The following NECTIN1 variants were observed in gnomAD, a reference collection of about 807,000 sequenced individuals.
NECTIN1 encodes the protein nectin-1.
In NECTIN1, 23 loss-of-function variants were observed where a neutral mutation model predicts 48.0. That is an observed-to-expected ratio of 0.48 (90% CI 0.34 to 0.68). The LOEUF is 0.68. Among genes scored for constraint, NECTIN1 ranks in the 30% least tolerant of loss-of-function variants. The pLI is 0.01. For missense variants in NECTIN1, 591 were observed against 709.9 expected, an observed-to-expected ratio of 0.83 and a Z score of 1.90; for synonymous variants, 270 against 288.9, an observed-to-expected ratio of 0.93 and a Z score of 0.66.
Position 119,661,863 on chromosome 11 carries a change from C to T in NECTIN1, c.*2884G>A, listed in dbSNP as rs115594822. The T allele has an allele frequency of 3.6e-3, 3,552 of 985,196 alleles. 93 individuals carry two copies. In the African/African-American group the frequency reaches 0.057, roughly 16 times the overall value. 61.0% of individuals were successfully genotyped at this position (985,196 alleles called of 1,614,324 possible). ...GTGTACATGCGTGTACACATGCCTG[C>T]GCGTGGGTGTGTTGGAGGTGTGAGT... On this transcript the variant is annotated 3_prime_UTR_variant, in exon 6 of 6. Transcript: ENST00000264025.
rs1865920955 is a variant in NECTIN1 at position 119,727,083 on chromosome 11, CA to C, written c.79+1391del. 6.6e-6 allele frequency among the ~76,000 whole-genome samples: 1 copy of C among 152,176 alleles called. No homozygotes were observed. Among genetic ancestry groups the C allele is most frequent in the South Asian group, 2.1e-4 (1 of 4,828 alleles). On this transcript the variant is annotated intron_variant, in intron 1 of 5. Transcript: ENST00000264025. The surrounding 1 kb of genome is among the most constrained non-coding windows in gnomAD (Gnocchi z 4.1). ...GGAGGCACCCCAGTACTGGCTTTCA[CA>C]AACTGCTTCCCAGACATCCACCACT...
Position 119,675,206 on chromosome 11 carries a change from G to C in NECTIN1, c.956C>G (p.Thr319Ser). The C allele has an allele frequency of 6.2e-7, 1 of 1,614,160 alleles. No homozygotes were observed. The highest frequency in any genetic ancestry group is 8.5e-7 in the Non-Finnish European group (1 of 1,180,044). ...SLAGTYICEATNPIGTRSGQV... is the reference protein window; with the variant it reads ...SLAGTYICEASNPIGTRSGQV... The stretch of plus-strand genomic sequence containing the variant: ...GCCTGAGCGTGTACCGATGGGGTTG[G>C]TGGCCTCACAGATGTAGGTCCCTGC... Residue 319 changes from threonine to serine, a missense_variant, in exon 5 of 6, where the codon ACC becomes AGC. Transcript: ENST00000264025.
rs746292708 is a variant in NECTIN1, at chr11:119,665,160, G to A, written c.1141C>T (p.Arg381Cys). 1.1e-5 allele frequency: 17 copies of A among 1,612,838 alleles called. No homozygotes were observed. Among genetic ancestry groups the A allele is most frequent in the Non-Finnish European group, 1.4e-5 (16 of 1,179,968 alleles). ...TAGTCACCCTTGAAGGTGTGCCGGCGCCGACGCAGGGCGACCACGATCCCG... is the reference window on the plus strand; with the variant it reads ...TAGTCACCCTTGAAGGTGTGCCGGCACCGACGCAGGGCGACCACGATCCCG... ...VGGIVVALRR[R>C]RHTFKGDYST... The change falls in exon 6 of 6, where the codon CGC becomes TGC. Residue 381 changes from arginine (R) to cysteine (C), a missense_variant. Physicochemically the swap from Arg to Cys is radical, Grantham distance 180. Transcript: ENST00000264025. This position sits in a 1 kb window ranked among gnomAD's most constrained non-coding sequence, Gnocchi z 5.1.
intron 1 of NECTIN1, among the ~76,000 whole-genome samples, chr11:119,679,352 G>A (rs1411277039): frequency 6.6e-6 from 1 of 152,158 alleles, no homozygotes; most frequent in East Asian, 1.9e-4. Flanking sequence ...GAGCTTGAAG[G>A]CCCACGGTGG....
In NECTIN1 at chr11:119,721,142, C is replaced by G. The variant is rs575316666; in HGVS notation, c.79+7333G>C. Among the ~76,000 whole-genome samples the G allele has an allele frequency of 7.2e-5, 11 of 152,334 alleles. No individual in the cohort carries two copies. The East Asian group carries it at 2.1e-3, about 29-fold the overall frequency. ...CTGAGTGTGGGAGGCTGTTCTGTCC[C>G]CTGTCCCCAAGGGCCTTCCTCCATG... On this transcript the variant is annotated intron_variant, in intron 1 of 5. Transcript: ENST00000264025.
intron 1 of NECTIN1, among the ~76,000 whole-genome samples, chr11:119,698,883 T>A (rs1315010802): frequency 6.6e-6 from 1 of 152,126 alleles, no homozygotes; most frequent in African/African-American, 2.4e-5. Context: ...CTTTCTAGCA[T>A]CCCAAAGTGG....
intron 5 of NECTIN1, chr11:119,642,894 C>T (rs371528787): frequency 2.6e-5 from 4 of 153,688 alleles, no homozygotes; most frequent in African/African-American, 9.6e-5. Context: ...ACACTACTCT[C>T]CATTTTCTTT....
At chr11:119,651,352 T>A (rs1377001852) in intron 5 of NECTIN1, among the ~76,000 whole-genome samples, 1 of 152,116 alleles carries the variant, frequency 6.6e-6, no homozygotes, top group Admixed American at 6.5e-5. Flanking sequence ...TTTTCATTGA[T>A]CAAGCCCCCA....
intron 1 of NECTIN1, among the ~76,000 whole-genome samples, chr11:119,688,090 G>A (rs1256913048): frequency 6.6e-6 from 1 of 152,150 alleles, no homozygotes; most frequent in East Asian, 1.9e-4. Flanking sequence ...ACCTGGGTTT[G>A]TGTCTGCTGC....
chr11:119,660,010 C>A (rs1864635538), downstream of NECTIN1, among the ~76,000 whole-genome samples: 1 of 152,234 alleles, frequency 6.6e-6, no homozygotes, highest in South Asian at 2.1e-4. Context: ...GCTCAGCCAG[C>A]TGCCAACAGC....
chr11:119,718,175 G>A lies in NECTIN1; in HGVS notation c.79+10300C>T, dbSNP rs1047548397. Among the ~76,000 whole-genome samples the A allele has an allele frequency of 5.9e-5, 9 of 152,292 alleles. No individual in the cohort carries two copies. In the South Asian group the frequency reaches 1.5e-3, roughly 25 times the overall value. On this transcript the variant is annotated intron_variant, in intron 1 of 5. Transcript: ENST00000264025. Reference sequence around the variant, plus strand: ...AGGAGCATCACCCTGGGTGACCCTCGAGAGGACAATCTGCACAGGGACTGT... The same window carrying A: ...AGGAGCATCACCCTGGGTGACCCTCAAGAGGACAATCTGCACAGGGACTGT...
chr11:119,663,805 G>T lies in NECTIN1; in HGVS notation c.*942C>A. 1.0e-6 allele frequency: 1 copy of T among 985,562 alleles called. No individual in the cohort carries two copies. Among genetic ancestry groups the T allele is most frequent in the Non-Finnish European group, 1.2e-6 (1 of 830,020 alleles). 61.1% of individuals were successfully genotyped at this position (985,562 alleles called of 1,614,324 possible). A position where few individuals can be genotyped will look rare whatever the true frequency, so the allele number is the denominator to read the frequency against. The stretch of plus-strand genomic sequence containing the variant: ...AGGCACCGGGGACCCAGTCTCAGCT[G>T]TCTCTGGAAGCTTCTATAGGCAGAC... On this transcript the variant is annotated 3_prime_UTR_variant, in exon 6 of 6. Coordinates refer to ENST00000264025, the MANE Select transcript of NECTIN1 (RefSeq NM_002855.5).
intron 1 of NECTIN1, among the ~76,000 whole-genome samples, chr11:119,689,793 T>C (rs1390286403): frequency 2.6e-5 from 4 of 152,198 alleles, no homozygotes; most frequent in African/African-American, 9.6e-5. Flanking sequence ...AATAATACTT[T>C]GTAGCCACAG....
chr11:119,663,615 C>T lies in NECTIN1; in HGVS notation c.*1132G>A, dbSNP rs147857166. 4,533 of 985,684 alleles carry T rather than the reference C, an allele frequency of 4.6e-3. 24 individuals are homozygous for T. The highest frequency in any genetic ancestry group is 4.7e-3 in the Non-Finnish European group (3,903 of 829,992). The allele number at this position is 985,684 out of a possible 1,614,324, so 61.1% of individuals were successfully genotyped here. A position where few individuals can be genotyped will look rare whatever the true frequency, so the allele number is the denominator to read the frequency against. On this transcript the variant is annotated 3_prime_UTR_variant, in exon 6 of 6. Coordinates refer to ENST00000264025, the MANE Select transcript of NECTIN1 (RefSeq NM_002855.5). ...GCCATGTGGGCTTCCTTCCCCACTA[C>T]CCTCCGTGTGGATGCTTCTTTACCT...
In NECTIN1 at chr11:119,720,761, C is replaced by T. The variant is rs1003896375; in HGVS notation, c.79+7714G>A. Among the ~76,000 whole-genome samples the T allele has an allele frequency of 1.3e-4, 20 of 152,184 alleles. 1 individual carries two copies. The highest frequency in any genetic ancestry group is 2.9e-5 in the Non-Finnish European group (2 of 68,032). Reference sequence around the variant, plus strand: ...AGGCAGAGAGAAGGCTGCCGGTCAGCAGGCACCAGAATCTGCTAAGAAAGA... The same window carrying T: ...AGGCAGAGAGAAGGCTGCCGGTCAGTAGGCACCAGAATCTGCTAAGAAAGA... On this transcript the variant is annotated intron_variant, in intron 1 of 5. Transcript: ENST00000264025.
Position 119,665,174 on chromosome 11 carries a change from A to G in NECTIN1, c.1127T>C (p.Val376Ala). The change falls in exon 6 of 6, where the codon GTC becomes GCC. Residue 376 changes from valine to alanine, a missense_variant. Val to Ala is a moderately conservative substitution (Grantham distance 64). Coordinates refer to ENST00000264025, the MANE Select transcript of NECTIN1 (RefSeq NM_002855.5). The surrounding 1 kb of genome is among the most constrained non-coding windows in gnomAD (Gnocchi z 5.1). ...GGTGTGCCGGCGCCGACGCAGGGCGACCACGATCCCGCCGACCACAATCAA... is the reference window on the plus strand; with the variant it reads ...GGTGTGCCGGCGCCGACGCAGGGCGGCCACGATCCCGCCGACCACAATCAA... ...LVLIVVGGIV[V>A]ALRRRRHTFK... is the part of the protein sequence containing the mutation. 1 of 1,611,492 alleles carries G rather than the reference A, an allele frequency of 6.2e-7. No individual in the cohort carries two copies. The highest frequency in any genetic ancestry group is 1.1e-5 in the South Asian group (1 of 91,078).
chr11:119,649,007 A>G (rs1864452674), intron 5 of NECTIN1, among the ~76,000 whole-genome samples: 1 of 152,218 alleles, frequency 6.6e-6, no homozygotes, highest in Non-Finnish European at 1.5e-5. Flanking sequence ...CACTGTGTGC[A>G]GAGTCAGAAA....
chr11:119,693,827 C>T (rs1036558929), intron 1 of NECTIN1, among the ~76,000 whole-genome samples: 4 of 152,178 alleles, frequency 2.6e-5, no homozygotes, highest in South Asian at 2.1e-4. Flanking sequence ...CATGTTGCAG[C>T]GCTGACTCCT....
intron 1 of NECTIN1, among the ~76,000 whole-genome samples, chr11:119,696,278 G>T (rs1865339037): frequency 6.6e-6 from 1 of 152,190 alleles, no homozygotes; most frequent in Non-Finnish European, 1.5e-5. Flanking sequence ...GGGCAGGTTG[G>T]TGTCCCCCGC....
Sources: gnomAD v4.1 joint callset for allele counts (sites outside exome capture counted in the v4.1 genomes callset) on GRCh38, gnomAD v4.1.1 for gene constraint, Gnocchi (gnomAD v3.1) non-coding constraint, MANE v1.5 for transcripts, NCBI Gene and HGNC (gene_info 2026-07-23, HGNC 2026-07-21) for gene names.